The following PREX2 variants were observed in gnomAD, a reference collection of about 807,000 sequenced individuals.
PREX2 encodes phosphatidylinositol 3,4,5-trisphosphate-dependent Rac exchanger 2 protein.
PREX2 carries 107 observed loss-of-function variants against 203.2 expected under a neutral mutation model. That is an observed-to-expected ratio of 0.53 (90% CI 0.45 to 0.62). The LOEUF (loss-of-function observed/expected upper bound fraction) is 0.62, where lower values mean the gene tolerates loss of function less well. PREX2 is among the 20% of genes least tolerant of loss of function. The pLI, the probability that PREX2 is intolerant of heterozygous loss-of-function variation, is 0.00. For synonymous variants in PREX2, 672 were observed against 663.6 expected (o/e 1.01, Z -0.19); for missense variants, 1,777 against 1,955.9 (o/e 0.91, Z 1.72).
chr8:67,980,716 G>A (rs1806242756), intron 1 of PREX2, among the ~76,000 whole-genome samples: 1 of 152,178 alleles, frequency 6.6e-6, no homozygotes, highest in South Asian at 2.1e-4. Context: ...GATAGTGAGT[G>A]AGCTCTCACT....
intron 23 of PREX2, among the ~76,000 whole-genome samples, chr8:68,102,102 T>C (rs1810282390): frequency 6.6e-6 from 1 of 152,196 alleles, no homozygotes; most frequent in Non-Finnish European, 1.5e-5. Context: ...TGTTAGATGA[T>C]AAAAATAATG....
Position 68,215,231 on chromosome 8 carries a change from G to A in PREX2, c.4605-2385G>A, listed in dbSNP as rs144512378. ...TTTAAAAGGATTAAGAAAATGAGTA[G>A]TAATTGTAGGCTGTCTGTTAAAAAC... On this transcript the variant is annotated intron_variant, in intron 37 of 39. Coordinates refer to ENST00000288368, the MANE Select transcript of PREX2 (RefSeq NM_024870.4). Among the ~76,000 whole-genome samples the A allele has an allele frequency of 9.2e-5, 14 of 152,304 alleles. No individual in the cohort carries two copies. In the East Asian group the frequency reaches 2.1e-3, roughly 23 times the overall value.
intron 1 of PREX2, among the ~76,000 whole-genome samples, chr8:67,974,895 A>G (rs956157728): frequency 6.6e-6 from 1 of 152,188 alleles, no homozygotes; most frequent in Non-Finnish European, 1.5e-5. Flanking sequence ...AAGACCATGT[A>G]GGAAAATGGA....
intron 15 of PREX2, 102 bp from the exon 16 acceptor site, chr8:68,080,341 G>T: frequency 1.0e-6 from 1 of 980,960 alleles, no homozygotes. Flanking sequence ...GTATAAAGTT[G>T]AGGTTATGGG....
chr8:68,105,743 A>G, intron 23 of PREX2: 1 of 179,228 alleles, frequency 5.6e-6, no homozygotes, highest in Non-Finnish European at 1.0e-5. Flanking sequence ...ATATATATAT[A>G]TACATATATA....
intron 11 of PREX2, among the ~76,000 whole-genome samples, chr8:68,067,351 A>T (rs536057298): frequency 6.6e-6 from 1 of 152,232 alleles, no homozygotes; most frequent in East Asian, 1.9e-4. Context: ...CCCTTCCATG[A>T]ACATGGGATT....
chr8:68,235,969 A>G lies in PREX2; in HGVS notation c.*4591A>G, dbSNP rs1018574054. 1 of 152,166 alleles carries G rather than the reference A, an allele frequency of 6.6e-6. No individual in the cohort carries two copies. The highest frequency in any genetic ancestry group is 2.4e-5 in the African/African-American group (1 of 41,444). 9.4% of individuals were successfully genotyped at this position (152,166 alleles called of 1,614,324 possible). A position where few individuals can be genotyped will look rare whatever the true frequency, so the allele number is the denominator to read the frequency against. On this transcript the variant is annotated 3_prime_UTR_variant, in exon 40 of 40. Coordinates refer to ENST00000288368, the MANE Select transcript of PREX2 (RefSeq NM_024870.4). ...TACCTGAAGTCTACTAAGTCTACTA[A>G]ATGAGATATATATGTGTATGTATAT... is the stretch of plus-strand genomic sequence containing the variant.
intron 19 of PREX2, 125 bp from the exon 20 acceptor site, chr8:68,090,454 T>G: frequency 1.2e-6 from 1 of 808,562 alleles, no homozygotes; most frequent in Non-Finnish European, 1.8e-6. Flanking sequence ...AGAACCAAGT[T>G]TATCAAGATT....
Position 68,087,795 on chromosome 8 carries a change from A to T in PREX2, c.2099A>T (p.His700Leu). 1 of 1,612,898 alleles carries T rather than the reference A, an allele frequency of 6.2e-7. No individual in the cohort carries two copies. Among genetic ancestry groups the T allele is most frequent in the Non-Finnish European group, 8.5e-7 (1 of 1,178,950 alleles). Residue 700 changes from histidine (H) to leucine (L), a missense_variant, in exon 19 of 40, where the codon CAT (histidine) becomes CTT (leucine). By Grantham distance (99) the His-to-Leu change is moderately conservative (BLOSUM62 -3). Coordinates refer to ENST00000288368, the MANE Select transcript of PREX2 (RefSeq NM_024870.4). ...QIRGFGPSVV[H>L]AVGRGTVAAA... ...CGGGGATTTGGCCCTTCTGTTGTGC[A>T]TGCTGTAGGAAGAGGTAGGAAATTC...
chr8:68,230,488 G>A (rs1813146164), intron 39 of PREX2, among the ~76,000 whole-genome samples: 1 of 152,188 alleles, frequency 6.6e-6, no homozygotes, highest in Admixed American at 6.5e-5. Flanking sequence ...CTCAGGATAT[G>A]CTGTAAGTAA....
Position 68,080,534 on chromosome 8 carries a change from T to C in PREX2, c.1734T>C (p.Leu578=). ...AGGGATCAAATATGAAACATCGACT[T>C]ATGAAACATGACTTAAAAGTTGTGG... ...EMEGSNMKHR[L]MKHDLKVVEN... Residue 578 remains leucine, a synonymous_variant, in exon 16 of 40, where the codon CTT becomes CTC. Transcript: ENST00000288368. The C allele has an allele frequency of 6.2e-7, 1 of 1,611,334 alleles. No homozygotes were observed. Among genetic ancestry groups the C allele is most frequent in the South Asian group, 1.1e-5 (1 of 90,818 alleles).
intron 25 of PREX2, among the ~76,000 whole-genome samples, chr8:68,113,258 A>C (rs560123993): frequency 2.0e-5 from 3 of 152,368 alleles, no homozygotes; most frequent in Admixed American, 2.0e-4. Flanking sequence ...TTAAATAAAA[A>C]GCAAATATCT....
intron 15 of PREX2, among the ~76,000 whole-genome samples, chr8:68,078,682 A>G (rs779446726): frequency 2.6e-5 from 4 of 152,330 alleles, no homozygotes; most frequent in Non-Finnish European, 5.9e-5. Context: ...TCGTGGAGAA[A>G]TATTGGTCCT....
intron 30 of PREX2, among the ~76,000 whole-genome samples, chr8:68,121,571 A>C (rs114219452): frequency 2.6e-5 from 4 of 152,150 alleles, no homozygotes; most frequent in East Asian, 3.8e-4. Flanking sequence ...TAAATTGGAG[A>C]TATATGACTT....
At chr8:68,151,928 A>G (rs1405925403) in intron 34 of PREX2, among the ~76,000 whole-genome samples, 1 of 150,970 alleles carries the variant, frequency 6.6e-6, no homozygotes, top group Non-Finnish European at 1.5e-5. Flanking sequence ...TTTGTTATAA[A>G]CATTGTCATT....
intron 39 of PREX2, among the ~76,000 whole-genome samples, chr8:68,225,793 A>G (rs1468490937): frequency 1.3e-5 from 2 of 152,314 alleles, no homozygotes; most frequent in East Asian, 3.9e-4. Flanking sequence ...TTATATTGCT[A>G]AAGGATTATT....
intron 23 of PREX2, among the ~76,000 whole-genome samples, chr8:68,104,688 T>A (rs753742218): frequency 6.6e-6 from 1 of 152,216 alleles, no homozygotes; most frequent in Non-Finnish European, 1.5e-5. Context: ...GTATTCACTG[T>A]TGACCTCTCC....
intron 23 of PREX2, chr8:68,105,932 G>A (rs1012574774): frequency 5.6e-5 from 9 of 161,950 alleles, no homozygotes; most frequent in South Asian, 1.8e-4. Context: ...GCACATTGCC[G>A]TTACTTTTAA....
At chr8:68,047,869 G>A (rs1203078922) in intron 8 of PREX2, among the ~76,000 whole-genome samples, 5 of 151,856 alleles carry the variant, frequency 3.3e-5, no homozygotes, top group Admixed American at 1.3e-4. Context: ...CACTTGGGAT[G>A]AGACAAAAGT....
Sources: gnomAD v4.1 joint callset for allele counts (sites outside exome capture counted in the v4.1 genomes callset) on GRCh38, gnomAD v4.1.1 for gene constraint, MANE v1.5 for transcripts, NCBI Gene and HGNC (gene_info 2026-07-23, HGNC 2026-07-21) for gene names.